Variants in GET1 observed in about 807,000 individuals in gnomAD.
GET1 encodes congenital heart disease 5 protein.
Under a neutral mutation model 22.6 loss-of-function variants are expected in GET1, and 20 were observed. The ratio of observed to expected loss-of-function variants is 0.89; its 90% CI spans 0.62 to 1.29. GET1 has a LOEUF of 1.29. Ranked by LOEUF, GET1 falls within the 50% of genes most tolerant of loss-of-function variation. The pLI is 0.00. For synonymous variants in GET1, 92 were observed against 83.8 expected, an observed-to-expected ratio of 1.10 and a Z score of -0.53; for missense variants, 209 against 219.9, an observed-to-expected ratio of 0.95 and a Z score of 0.31.
chr21:39,410,240 T>G (rs1224033341), downstream of GET1: 2 of 1,440,102 alleles, frequency 1.4e-6, no homozygotes, highest in East Asian at 4.5e-5. Context: ...AATCAGACAC[T>G]GCAAGATTCC....
chr21:39,420,636 AT>A (rs1330822618), intron 1 of GET1: 26 of 1,352,442 alleles, frequency 1.9e-5, no homozygotes, highest in African/African-American at 2.9e-5. Context: ...TAAAGATATA[AT>A]AGACATAAAT....
chr21:39,409,980 T>C (rs1262858616), downstream of GET1: 2 of 1,471,742 alleles, frequency 1.4e-6, no homozygotes, highest in East Asian at 4.5e-5. The surrounding 1 kb of genome is among the most constrained non-coding windows in gnomAD (Gnocchi z 4.2). Flanking sequence ...TAAAATTACC[T>C]TCATATTTTC....
intron 4 of GET1, among the ~76,000 whole-genome samples, chr21:39,394,053 G>T (rs1430937134): frequency 1.3e-5 from 2 of 152,126 alleles, no homozygotes; most frequent in Non-Finnish European, 2.9e-5. Flanking sequence ...ATCCCAGCTG[G>T]GTGCAGTGGC....
Position 39,380,351 on chromosome 21 carries a change from C to T in GET1, c.-34C>T, listed in dbSNP as rs1269602203. 2.5e-6 allele frequency: 4 copies of T among 1,571,278 alleles called. No homozygotes were observed. The highest frequency in any genetic ancestry group is 1.4e-5 in the African/African-American group (1 of 74,022). On this transcript the variant is annotated 5_prime_UTR_variant, in exon 1 of 5. Coordinates refer to ENST00000649170, the MANE Select transcript of GET1 (RefSeq NM_004627.6). ...GTTGTTGTGGTCCCCATGGAGCTGC[C>T]GTAGCGGACCCAGCACAGCCAGGAG...
chr21:39,392,866 T>TC, intron 3 of GET1: 24 of 301,634 alleles, frequency 8.0e-5, no homozygotes, highest in South Asian at 3.5e-4. Context: ...TATGTGTAGA[T>TC]TGTGTTCATC....
chr21:39,414,716 CT>C (rs1270539347), intron 1 of GET1, among the ~76,000 whole-genome samples: 3 of 104,468 alleles, frequency 2.9e-5, no homozygotes, highest in Admixed American at 1.0e-4. Context: ...TTCTCTCCCT[CT>C]CTCTCTCTCT....
downstream of GET1, chr21:39,406,826 G>A: frequency 1.8e-5 from 8 of 451,138 alleles, no homozygotes; most frequent in Non-Finnish European, 2.7e-5. Flanking sequence ...CAAGCAGATG[G>A]GAATTATGAA....
At chr21:39,394,522 A>G (rs2038514015) in intron 4 of GET1, among the ~76,000 whole-genome samples, 1 of 152,190 alleles carries the variant, frequency 6.6e-6, no homozygotes, top group Non-Finnish European at 1.5e-5. Flanking sequence ...GAAATACTAT[A>G]AACTGGGTAG....
In GET1 at chr21:39,397,196, T is replaced by C. The variant is rs1373839801; in HGVS notation, c.*257T>C. 1 of 462,858 alleles carries C rather than the reference T, an allele frequency of 2.2e-6. No individual in the cohort carries two copies. Among genetic ancestry groups the C allele is most frequent in the Non-Finnish European group, 3.8e-6 (1 of 260,226 alleles). 28.7% of individuals were successfully genotyped at this position (462,858 alleles called of 1,614,324 possible). On this transcript the variant is annotated 3_prime_UTR_variant, in exon 5 of 5. Transcript: ENST00000649170. ...CACCGTCCTCGATCTGTACGAAATGTGAAATGTTTAGGGACATCTCCATGC... is the reference window on the plus strand; with the variant it reads ...CACCGTCCTCGATCTGTACGAAATGCGAAATGTTTAGGGACATCTCCATGC...
exon 5 of GET1, chr21:39,406,422 T>C (rs751503763): frequency 6.2e-7 from 1 of 1,614,166 alleles, no homozygotes; most frequent in South Asian, 1.1e-5. Flanking sequence ...TTTTAAACTT[T>C]TCTCTTACTA....
At chr21:39,387,772 G>A (rs997416034) in intron 1 of GET1, 1 of 984,664 alleles carries the variant, frequency 1.0e-6, no homozygotes, top group Admixed American at 6.2e-5. Context: ...CGCATGCGCA[G>A]ACACCCTCAG....
At chr21:39,382,986 C>T (rs976887384) in intron 1 of GET1, among the ~76,000 whole-genome samples, 7 of 151,000 alleles carry the variant, frequency 4.6e-5, no homozygotes, top group Admixed American at 2.6e-4. Context: ...AGTCTTGCTC[C>T]GTTGCCCAGG....
At chr21:39,380,690 G>A (rs1364146245) in intron 1 of GET1, 2 of 1,386,426 alleles carry the variant, frequency 1.4e-6, no homozygotes, top group African/African-American at 2.9e-5. Context: ...GGTTCTAGGG[G>A]GTTGGGAGAA....
At chr21:39,402,984 A>G (rs1421775401) in intron 4 of GET1, among the ~76,000 whole-genome samples, 1 of 152,204 alleles carries the variant, frequency 6.6e-6, no homozygotes, top group Non-Finnish European at 1.5e-5. Flanking sequence ...ACACTTCTAA[A>G]TATAGCTCTG....
At chr21:39,380,602 G>C in intron 1 of GET1, 116 bp downstream of exon 1, 1 of 1,495,046 alleles carries the variant, frequency 6.7e-7, no homozygotes, top group East Asian at 2.5e-5. Flanking sequence ...GTAGCGTCTT[G>C]GTTGGTCCGT....
downstream of GET1, among the ~76,000 whole-genome samples, chr21:39,410,553 A>C (rs2039912060): frequency 6.6e-6 from 1 of 152,090 alleles, no homozygotes; most frequent in Non-Finnish European, 1.5e-5. Context: ...GCTTTGTCTT[A>C]CTTTGGGCCT....
Position 39,406,100 on chromosome 21 carries a change from T to C in GET1, c.*116T>C, listed in dbSNP as rs770758889. 13 of 1,614,238 alleles carry C rather than the reference T, an allele frequency of 8.1e-6. No individual in the cohort carries two copies. The South Asian group carries it at 1.4e-4, about 18-fold the overall frequency. ...TAGCCTGATCCAAAGAGTTCTTCCA[T>C]GAGACTGCTTTTCTTATCTCTGAAA... On this transcript the variant is annotated 3_prime_UTR_variant, in exon 5 of 5. Transcript: ENST00000415847.
intron 2 of GET1, 58 bp from the exon 3 acceptor site, chr21:39,391,711 G>T (rs2038308616): frequency 6.7e-7 from 1 of 1,500,470 alleles, no homozygotes; most frequent in South Asian, 1.1e-5. Context: ...CTGTGTATTT[G>T]AATATTTTGT....
chr21:39,406,538 C>CT, exon 5 of GET1: 2 of 1,611,884 alleles, frequency 1.2e-6, no homozygotes, highest in Non-Finnish European at 1.7e-6. Flanking sequence ...TCTTGGTCTT[C>CT]TTTTTTGTCT....
Sources: gnomAD v4.1 joint callset for allele counts (sites outside exome capture counted in the v4.1 genomes callset) on GRCh38, gnomAD v4.1.1 for gene constraint, Gnocchi (gnomAD v3.1) non-coding constraint, MANE v1.5 for transcripts, NCBI Gene and HGNC (gene_info 2026-07-23, HGNC 2026-07-21) for gene names.